CNTLN: variants seen among roughly 807,000 people sequenced by gnomAD.
CNTLN encodes the protein centlein, centrosomal protein.
CNTLN carries 212 observed loss-of-function variants against 180.0 expected under a neutral mutation model. The ratio of observed to expected loss-of-function variants is 1.18; its 90% confidence interval spans 1.05 to 1.32. The LOEUF (loss-of-function observed/expected upper bound fraction) is 1.32, where lower values mean the gene tolerates loss of function less well. Ranked by LOEUF, CNTLN falls within the 40% of genes most tolerant of loss-of-function variation. CNTLN has a pLI of 0.00. For synonymous variants in CNTLN, 722 were observed against 563.1 expected, an observed-to-expected ratio of 1.28 and a Z score of -3.99; for missense variants, 2,095 against 1,610.9, an observed-to-expected ratio of 1.30 and a Z score of -5.14.
At chr9:17,367,393 T>C (rs931185650) in intron 13 of CNTLN, among the ~76,000 whole-genome samples, 1 of 106,098 alleles carries the variant, frequency 9.4e-6, no homozygotes, top group African/African-American at 3.0e-5. Context: ...TGGGGCTCTA[T>C]ATAAACTTAA....
At chr9:17,482,866 A>G (rs553127271) in intron 23 of CNTLN, among the ~76,000 whole-genome samples, 2 of 152,176 alleles carry the variant, frequency 1.3e-5, no homozygotes, top group South Asian at 4.1e-4. Context: ...TTTATTTAAT[A>G]ATCTTCTAAA....
chr9:17,262,590 G>A (rs773327016), intron 5 of CNTLN, among the ~76,000 whole-genome samples: 2 of 151,448 alleles, frequency 1.3e-5, no homozygotes, highest in South Asian at 2.1e-4. Context: ...AGTGGGGAAG[G>A]GGAGGGAGAG....
intron 6 of CNTLN, among the ~76,000 whole-genome samples, chr9:17,296,916 T>C (rs941148915): frequency 1.3e-5 from 2 of 152,248 alleles, no homozygotes; most frequent in Admixed American, 1.3e-4. Flanking sequence ...AACAACTGTC[T>C]CCGTATCTCT....
intron 23 of CNTLN, among the ~76,000 whole-genome samples, chr9:17,481,368 G>T (rs756597757): frequency 2.6e-5 from 4 of 152,174 alleles, no homozygotes; most frequent in Non-Finnish European, 4.4e-5. Flanking sequence ...GAGCTCAAGC[G>T]CAGAGCACAT....
intron 18 of CNTLN, among the ~76,000 whole-genome samples, chr9:17,427,477 C>G (rs150466629): frequency 1.1e-4 from 16 of 152,152 alleles, no homozygotes; most frequent in African/African-American, 3.6e-4. Context: ...TTTAAAATTT[C>G]ATGAGTAAAG....
chr9:17,463,018 G>T lies in CNTLN; in HGVS notation c.3404+5G>T. 1 of 1,545,976 alleles carries T rather than the reference G, an allele frequency of 6.5e-7. No homozygotes were observed. Among genetic ancestry groups the T allele is most frequent in the Non-Finnish European group, 8.8e-7 (1 of 1,139,390 alleles). On this transcript the variant is annotated splice_donor_5th_base_variant and intron_variant, in intron 20 of 25. Coordinates refer to ENST00000380647, the MANE Select transcript of CNTLN (RefSeq NM_017738.4). ...CATAAAGGAAATGCATGAAAAGTAT[G>T]GTTTTTGTATTTCTATCCATTGTAT...
intron 8 of CNTLN, among the ~76,000 whole-genome samples, chr9:17,312,142 A>G (rs564003581): frequency 1.0e-3 from 157 of 151,948 alleles, no homozygotes; most frequent in African/African-American, 3.6e-3. Context: ...TAGTAATTTT[A>G]CTATGAGCTC....
chr9:17,424,893 C>A (rs796257155), intron 18 of CNTLN, among the ~76,000 whole-genome samples: 6 of 152,234 alleles, frequency 3.9e-5, no homozygotes, highest in African/African-American at 1.4e-4. Context: ...CCTAGCCTCC[C>A]AAACCATGAG....
Position 17,434,155 on chromosome 9 carries a change from G to A in CNTLN, c.3114+17966G>A, listed in dbSNP as rs373575085. The stretch of plus-strand genomic sequence containing the variant: ...TCTTCTTTTTATTTTTCTTGTTCTT[G>A]CTAGAAACAACAATTTAGTTGATTT... On this transcript the variant is annotated intron_variant, in intron 18 of 25. Coordinates refer to ENST00000380647, the MANE Select transcript of CNTLN (RefSeq NM_017738.4). Among the ~76,000 whole-genome samples, 5 of 151,940 alleles carry A rather than the reference G, an allele frequency of 3.3e-5. No homozygotes were observed. In the East Asian group the frequency reaches 7.7e-4, roughly 24 times the overall value.
intron 12 of CNTLN, among the ~76,000 whole-genome samples, chr9:17,353,148 G>T (rs967561392): frequency 6.6e-6 from 1 of 152,008 alleles, no homozygotes. Flanking sequence ...TAGGGTCGGG[G>T]TCTCACTTTG....
At chr9:17,171,975 G>A (rs1202445916) in intron 2 of CNTLN, among the ~76,000 whole-genome samples, 2 of 152,144 alleles carry the variant, frequency 1.3e-5, no homozygotes, top group African/African-American at 4.8e-5. Context: ...CTGGGCACAG[G>A]CTAGCCTGCT....
intron 18 of CNTLN, among the ~76,000 whole-genome samples, chr9:17,439,370 C>A (rs1445816143): frequency 6.6e-6 from 1 of 152,078 alleles, no homozygotes; most frequent in Non-Finnish European, 1.5e-5. Context: ...ATAGTATTAT[C>A]TAACACAAGT....
intron 18 of CNTLN, among the ~76,000 whole-genome samples, chr9:17,436,615 G>C (rs955342486): frequency 6.6e-6 from 1 of 152,090 alleles, no homozygotes; most frequent in Non-Finnish European, 1.5e-5. Flanking sequence ...GCCTTATTTC[G>C]TGGATCTTCA....
intron 12 of CNTLN, among the ~76,000 whole-genome samples, chr9:17,344,762 G>A (rs1359446862): frequency 6.6e-6 from 1 of 152,126 alleles, no homozygotes; most frequent in African/African-American, 2.4e-5. Flanking sequence ...ATTGTATGTA[G>A]TATGTTGAAT....
rs145133148 is a variant in CNTLN at position 17,499,930 on chromosome 9, G to C, written c.4120-2621G>C. On this transcript the variant is annotated intron_variant, in intron 25 of 25. Coordinates refer to ENST00000380647, the MANE Select transcript of CNTLN (RefSeq NM_017738.4). ...AATATTGTCAATTGGTTCATAGAAA[G>C]GGAAAATAGAAAAATTGAATTAAAA... Among the ~76,000 whole-genome samples the C allele has an allele frequency of 2.0e-5, 3 of 152,154 alleles. No individual in the cohort carries two copies. The East Asian group carries it at 5.8e-4, about 29-fold the overall frequency.
chr9:17,290,294 G>T (rs1457597486), intron 6 of CNTLN, among the ~76,000 whole-genome samples: 6 of 151,698 alleles, frequency 4.0e-5, no homozygotes, highest in African/African-American at 9.7e-5. Context: ...TGCCCCTGCT[G>T]GGGGGTGCCT....
chr9:17,308,981 C>A, intron 7 of CNTLN, 77 bp from the exon 8 acceptor site: 2 of 460,626 alleles, frequency 4.3e-6, no homozygotes, highest in Non-Finnish European at 6.7e-6. Context: ...TGTATATATA[C>A]ACACACACAC....
chr9:17,268,312 G>T (rs142508701), intron 5 of CNTLN, among the ~76,000 whole-genome samples: 1 of 152,166 alleles, frequency 6.6e-6, no homozygotes, highest in African/African-American at 2.4e-5. Context: ...TCCAGACCCT[G>T]TTTGCCTGGG....
chr9:17,397,180 A>T (rs1826599951), intron 15 of CNTLN, among the ~76,000 whole-genome samples: 1 of 151,388 alleles, frequency 6.6e-6, no homozygotes, highest in Admixed American at 6.6e-5. Flanking sequence ...TTATCATATT[A>T]GTGTTTCCAG....
Sources: allele counts gnomAD v4.1 joint callset (sites outside exome capture counted in the v4.1 genomes callset), GRCh38; gene constraint gnomAD v4.1.1; transcripts MANE v1.5; gene names NCBI Gene and HGNC (gene_info 2026-07-23, HGNC 2026-07-21).